Variants in RNGTT observed in about 807,000 individuals in gnomAD.
RNGTT encodes the protein RNA guanylyltransferase and 5'-phosphatase, also known as mRNA-capping enzyme.
A neutral mutation model predicts 79.3 loss-of-function variants in RNGTT; 33 were observed. That is an observed-to-expected ratio of 0.42 (90% CI 0.32 to 0.56). The LOEUF (loss-of-function observed/expected upper bound fraction) is 0.56. Among genes scored for constraint, RNGTT ranks in the 20% least tolerant of loss-of-function variants. RNGTT has a pLI of 0.17. For missense variants in RNGTT, 497 were observed against 739.1 expected, an observed-to-expected ratio of 0.67 and a Z score of 3.80; for synonymous variants, 222 against 235.9, an observed-to-expected ratio of 0.94 and a Z score of 0.54.
intron 15 of RNGTT, 152 bp from the exon 16 acceptor site, chr6:88,613,034 T>C (rs1442261528): frequency 1.6e-6 from 1 of 639,518 alleles, no homozygotes; most frequent in East Asian, 3.0e-5. Flanking sequence ...ATCTCCTCCC[T>C]ACCCTACACC....
chr6:88,617,239 C>T (rs1772264880), intron 14 of RNGTT, among the ~76,000 whole-genome samples: 1 of 152,208 alleles, frequency 6.6e-6, no homozygotes, highest in African/African-American at 2.4e-5. Context: ...CACTGCACTC[C>T]AGCCTGGGCA....
At chr6:88,864,738 T>G (rs1392849601) in intron 8 of RNGTT, among the ~76,000 whole-genome samples, 2 of 152,060 alleles carry the variant, frequency 1.3e-5, no homozygotes, top group East Asian at 3.9e-4. Context: ...AGCATATACA[T>G]AAAATGGAAA....
intron 14 of RNGTT, among the ~76,000 whole-genome samples, chr6:88,663,620 C>G (rs778748847): frequency 1.9e-4 from 29 of 152,316 alleles, no homozygotes; most frequent in Non-Finnish European, 3.7e-4. Flanking sequence ...TGGTGCCCCT[C>G]CTTACCAAGA....
intron 13 of RNGTT, among the ~76,000 whole-genome samples, chr6:88,757,558 G>A (rs1287055994): frequency 6.6e-6 from 1 of 152,138 alleles, no homozygotes; most frequent in Non-Finnish European, 1.5e-5. Flanking sequence ...CATAATCAAA[G>A]AGAAAATGTT....
chr6:88,907,009 T>C (rs1482502562), intron 4 of RNGTT, among the ~76,000 whole-genome samples: 1 of 152,210 alleles, frequency 6.6e-6, no homozygotes, highest in Non-Finnish European at 1.5e-5. Flanking sequence ...AATAATTAAC[T>C]GATAGATATA....
intron 4 of RNGTT, among the ~76,000 whole-genome samples, chr6:88,926,012 C>T (rs1272743468): frequency 6.6e-6 from 1 of 152,180 alleles, no homozygotes; most frequent in African/African-American, 2.4e-5. Flanking sequence ...TCCAGGAGCA[C>T]TCCTAAAAGA....
chr6:88,876,785 G>A (rs1425438519), intron 8 of RNGTT, among the ~76,000 whole-genome samples: 1 of 152,178 alleles, frequency 6.6e-6, no homozygotes, highest in African/African-American at 2.4e-5. Flanking sequence ...TCACATGTTT[G>A]CTGCCCCCAG....
intron 14 of RNGTT, among the ~76,000 whole-genome samples, chr6:88,644,399 T>C (rs1272170903): frequency 6.6e-6 from 1 of 152,094 alleles, no homozygotes; most frequent in Admixed American, 6.5e-5. Flanking sequence ...CCAGATGGAT[T>C]CACAGCCGAA....
At chr6:88,832,181 C>T (rs1207621053) in intron 11 of RNGTT, among the ~76,000 whole-genome samples, 2 of 151,998 alleles carry the variant, frequency 1.3e-5, no homozygotes, top group African/African-American at 4.8e-5. Context: ...GCTACCTGAC[C>T]TCAAAACTAC....
intron 14 of RNGTT, among the ~76,000 whole-genome samples, chr6:88,635,253 C>A (rs985788768): frequency 6.6e-6 from 1 of 151,948 alleles, no homozygotes; most frequent in Non-Finnish European, 1.5e-5. Context: ...CATGTATATG[C>A]GATGTTTATG....
At position 88,739,809 on chromosome 6, in the gene RNGTT, C is replaced by T. The variant is rs149445932; in HGVS notation, c.1439+29965G>A. On this transcript the variant is annotated intron_variant, in intron 13 of 15. Coordinates refer to ENST00000369485, the MANE Select transcript of RNGTT (RefSeq NM_003800.5). ...CACATGCTCCATTTATCTAAACTAA[C>T]ATTGTTTAATTTTATTATACCAAGC... Among the ~76,000 whole-genome samples, 455 of 135,056 alleles carry T rather than the reference C, an allele frequency of 3.4e-3. 7 individuals are homozygous for T. Among genetic ancestry groups the T allele is most frequent in the African/African-American group, 0.011 (371 of 35,000 alleles). 88.6% of individuals were successfully genotyped at this position (135,056 alleles called of 152,430 possible). A position where few individuals can be genotyped will look rare whatever the true frequency, so the allele number is the denominator to read the frequency against.
At chr6:88,798,489 G>T (rs1779676015) in intron 12 of RNGTT, among the ~76,000 whole-genome samples, 1 of 150,982 alleles carries the variant, frequency 6.6e-6, no homozygotes, top group African/African-American at 2.4e-5. Flanking sequence ...AGAGAAAAAT[G>T]AACTGTAAGA....
chr6:88,925,419 T>C (rs919676888), intron 4 of RNGTT, among the ~76,000 whole-genome samples: 2 of 151,826 alleles, frequency 1.3e-5, no homozygotes, highest in Non-Finnish European at 2.9e-5. Context: ...GGTGAAACAG[T>C]GTCTCTACAA....
intron 14 of RNGTT, among the ~76,000 whole-genome samples, chr6:88,671,454 T>A (rs1320423733): frequency 6.6e-6 from 1 of 152,056 alleles, no homozygotes. Context: ...AAATCACACA[T>A]GACAAAAACA....
At chr6:88,615,738 A>G (rs1772193251) in intron 14 of RNGTT, among the ~76,000 whole-genome samples, 1 of 152,200 alleles carries the variant, frequency 6.6e-6, no homozygotes, top group South Asian at 2.1e-4. Context: ...AATTTCTAAA[A>G]TGGGGAACAA....
At chr6:88,735,558 C>A (rs1777256823) in intron 13 of RNGTT, among the ~76,000 whole-genome samples, 1 of 127,960 alleles carries the variant, frequency 7.8e-6, no homozygotes, top group African/African-American at 2.9e-5. Flanking sequence ...TTCAGAATAA[C>A]ACGAGTGTTA....
At chr6:88,740,464 A>G (rs561186538) in intron 13 of RNGTT, among the ~76,000 whole-genome samples, 7 of 152,124 alleles carry the variant, frequency 4.6e-5, no homozygotes, top group Non-Finnish European at 8.8e-5. Context: ...GGCTGCAGTG[A>G]GCTGTGATCA....
chr6:88,941,071 C>T lies in RNGTT; in HGVS notation c.174G>A (p.Lys58=). The T allele has an allele frequency of 6.3e-7, 1 of 1,589,784 alleles. No homozygotes were observed. Among genetic ancestry groups the T allele is most frequent in the Non-Finnish European group, 8.6e-7 (1 of 1,159,054 alleles). ...GACAAAAATAAATTTTGTTTCTTAC[C>T]TTTAGGCTCTTTAGGTAATTTGAGA... The part of the protein sequence containing the change: ...SMLSNYLKSL[K]VKMGLLVDLT... Residue 58 remains lysine (K), a splice_region_variant and synonymous_variant, in exon 2 of 16, where the codon AAG becomes AAA. Coordinates refer to ENST00000369485, the MANE Select transcript of RNGTT (RefSeq NM_003800.5).
intron 12 of RNGTT, among the ~76,000 whole-genome samples, chr6:88,799,745 C>T (rs960779780): frequency 3.5e-5 from 5 of 143,066 alleles, no homozygotes; most frequent in Non-Finnish European, 6.1e-5. Flanking sequence ...AGAAAGGGAA[C>T]GGAATGACAA....
Sources: gnomAD v4.1 joint callset for allele counts (sites outside exome capture counted in the v4.1 genomes callset) on GRCh38, gnomAD v4.1.1 for gene constraint, MANE v1.5 for transcripts, NCBI Gene and HGNC (gene_info 2026-07-23, HGNC 2026-07-21) for gene names.